The following C15orf40 variants were observed in gnomAD, a reference collection of about 807,000 sequenced individuals.
C15orf40 encodes chromosome 15 open reading frame 40.
In C15orf40, 9 loss-of-function variants were observed where a neutral mutation model predicts 13.9. The ratio of observed to expected loss-of-function variants is 0.65; its 90% CI spans 0.39 to 1.13. The LOEUF is 1.13. C15orf40 is among the 50% of genes most tolerant of loss of function. The pLI is 0.01. For missense variants in C15orf40, 225 were observed against 188.5 expected, an observed-to-expected ratio of 1.19 and a Z score of -1.13; for synonymous variants, 95 against 69.2, an observed-to-expected ratio of 1.37 and a Z score of -1.85.
rs769043176 is a variant in C15orf40, at chr15:83,005,672, C to T, written c.387G>A (p.Lys129=). The part of the protein sequence containing the change: ...VLDKGGKSRE[K]VVKLLASTTP... ...TTGTAGAAGCCAAAAGCTTCACCACCTTTTCACGAGATTTACCACCCTGGA... is the reference window on the plus strand; with the variant it reads ...TTGTAGAAGCCAAAAGCTTCACCACTTTTTCACGAGATTTACCACCCTGGA... The change falls in exon 4 of 4, where the codon AAG becomes AAA. Residue 129 remains lysine (K), a synonymous_variant. Transcript: ENST00000304177. The T allele has an allele frequency of 9.3e-6, 15 of 1,612,672 alleles. No individual in the cohort carries two copies. The South Asian group carries it at 1.6e-4, about 18-fold the overall frequency.
Position 83,005,642 on chromosome 15 carries a change from T to A in C15orf40, c.417A>T (p.Pro139=), listed in dbSNP as rs1288821720. The part of the protein sequence containing the change: ...KVVKLLASTT[P]EEILEKLKKE... ...TTTTTAATTTCTCCAAGATCTCTTC[T>A]GGAGTTGTAGAAGCCAAAAGCTTCA... Residue 139 remains proline (P), a synonymous_variant, in exon 4 of 4, where the codon CCA becomes CCT. Coordinates refer to ENST00000304177, the MANE Select transcript of C15orf40 (RefSeq NM_144597.3). 2 of 1,612,746 alleles carry A rather than the reference T, an allele frequency of 1.2e-6. No individual in the cohort carries two copies. The highest frequency in any genetic ancestry group is 1.7e-6 in the Non-Finnish European group (2 of 1,179,458).
At chr15:83,010,634 T>A (rs1053851869) in intron 1 of C15orf40, 2 of 341,222 alleles carry the variant, frequency 5.9e-6, no homozygotes, top group Non-Finnish European at 1.1e-5. Flanking sequence ...TGCTCCTCCC[T>A]CTGCTTTGTA....
rs914210795 is a variant in C15orf40, at chr15:83,000,976, C to T, written c.*4621G>A. 4 of 332,408 alleles carry T rather than the reference C, an allele frequency of 1.2e-5. No homozygotes were observed. The highest frequency in any genetic ancestry group is 2.2e-5 in the African/African-American group (1 of 44,614). 20.6% of individuals were successfully genotyped at this position (332,408 alleles called of 1,614,324 possible). On this transcript the variant is annotated 3_prime_UTR_variant, in exon 4 of 4. Transcript: ENST00000304177. ...TACAGGCATGCATTGCCATGCCCAGCGAATATTTGTATTTGTAGTAGAAAC... is the reference window on the plus strand; with the variant it reads ...TACAGGCATGCATTGCCATGCCCAGTGAATATTTGTATTTGTAGTAGAAAC...
rs1056336880 is a variant in C15orf40, at chr15:83,005,605, T to C, written c.454A>G (p.Lys152Glu). Residue 152 changes from lysine to glutamate, a missense_variant, in exon 4 of 4, where the codon AAA (lysine) becomes GAA (glutamate). By Grantham distance (56) the Lys-to-Glu change is moderately conservative (BLOSUM62 1). Transcript: ENST00000304177. ...GGCCTCATTTCTTGCTTTTATGTTT[T>C]TTTGGCTTCCTTTTTTAATTTCTCC... ...ILEKLKKEAK[K>E]T is the part of the protein sequence containing the mutation. 6.2e-7 allele frequency: 1 copy of C among 1,610,542 alleles called. No individual in the cohort carries two copies. The highest frequency in any genetic ancestry group is 8.5e-7 in the Non-Finnish European group (1 of 1,178,514).
chr15:83,005,152 A>G lies in C15orf40; in HGVS notation c.*445T>C. 9.5e-7 allele frequency: 1 copy of G among 1,057,026 alleles called. No individual in the cohort carries two copies. The highest frequency in any genetic ancestry group is 1.2e-6 in the Non-Finnish European group (1 of 868,032). 65.5% of individuals were successfully genotyped at this position (1,057,026 alleles called of 1,614,324 possible). On this transcript the variant is annotated 3_prime_UTR_variant, in exon 4 of 4. Coordinates refer to ENST00000304177, the MANE Select transcript of C15orf40 (RefSeq NM_144597.3). ...AATGTATAGCACTTTTTAAATTTCT[A>G]CTTTTTGGAGTCTTATTCGAATATA...
chr15:83,006,434 T>C, intron 3 of C15orf40: 1 of 985,396 alleles, frequency 1.0e-6, no homozygotes, highest in African/African-American at 1.7e-5. Context: ...CATATCCAAG[T>C]GCCACGATTT....
intron 2 of C15orf40, among the ~76,000 whole-genome samples, chr15:83,009,470 G>A (rs768066961): frequency 3.3e-5 from 5 of 152,206 alleles, no homozygotes; most frequent in Admixed American, 1.3e-4. Flanking sequence ...GGTCTAGCAC[G>A]TCAATGTTGT....
At chr15:82,989,957 C>T, downstream of C15orf40, 1 of 1,610,510 alleles carries the variant, frequency 6.2e-7, no homozygotes, top group Non-Finnish European at 8.5e-7. Context: ...CAATCAGTGG[C>T]ATGGACGATC....
In C15orf40 at chr15:83,010,365, T is replaced by C. The variant is rs1267320389; in HGVS notation, c.112-2A>G. 1.9e-6 allele frequency: 3 copies of C among 1,613,964 alleles called. No homozygotes were observed. The highest frequency in any genetic ancestry group is 2.5e-6 in the Non-Finnish European group (3 of 1,179,974). On this transcript the variant is annotated splice_acceptor_variant, in intron 1 of 3. Transcript: ENST00000304177. LOFTEE classifies it high-confidence loss of function. The stretch of plus-strand genomic sequence containing the variant: ...TGGTTCCTTGCTCTGGCTTTTACCC[T>C]AAAATGACAACCACACAACTTTACA...
In C15orf40 at chr15:83,001,551, T is replaced by C. The variant is rs895166689; in HGVS notation, c.*4046A>G. On this transcript the variant is annotated 3_prime_UTR_variant, in exon 4 of 4. Transcript: ENST00000304177. Reference sequence around the variant, plus strand: ...TATAGACTGCCTAGCCAGTACTCACTTGAAATTAATGGGAGTGAGCAAAGC... The same window carrying C: ...TATAGACTGCCTAGCCAGTACTCACCTGAAATTAATGGGAGTGAGCAAAGC... The C allele has an allele frequency of 1.3e-5, 2 of 152,746 alleles. No homozygotes were observed. Among genetic ancestry groups the C allele is most frequent in the East Asian group, 1.9e-4 (1 of 5,204 alleles). The allele number at this position is 152,746 out of a possible 1,614,324, so 9.5% of individuals were successfully genotyped here.
chr15:83,010,402 A>T (rs2151293536), intron 1 of C15orf40, 39 bp from the exon 2 acceptor site: 1 of 1,610,678 alleles, frequency 6.2e-7, no homozygotes, highest in East Asian at 2.2e-5. Flanking sequence ...GTTACAAAAT[A>T]TTTTCCCACA....
At chr15:83,008,374 C>T (rs1202925053) in intron 3 of C15orf40, 174 bp downstream of exon 3, 1 of 570,686 alleles carries the variant, frequency 1.8e-6, no homozygotes, top group South Asian at 1.9e-5. Flanking sequence ...CAAAAATTAG[C>T]CAGGCATGGT....
Position 83,010,307 on chromosome 15 carries a change from T to A in C15orf40, c.168A>T (p.Ala56=). Residue 56 remains alanine (A), a synonymous_variant, in exon 2 of 4, where the codon GCA becomes GCT. Transcript: ENST00000304177. ...ERPLPPLGPV[A]VDPKGCVTIA... ...TGGTGACGCATCCTTTAGGATCAACTGCCACAGGACCTAAGGGAGGAAGTG... is the reference window on the plus strand; with the variant it reads ...TGGTGACGCATCCTTTAGGATCAACAGCCACAGGACCTAAGGGAGGAAGTG... 6.2e-7 allele frequency: 1 copy of A among 1,614,246 alleles called. No homozygotes were observed. The highest frequency in any genetic ancestry group is 8.5e-7 in the Non-Finnish European group (1 of 1,180,026).
intron 1 of C15orf40, 131 bp downstream of exon 1, chr15:83,011,366 T>A (rs1354097062): frequency 3.7e-6 from 4 of 1,085,032 alleles, no homozygotes; most frequent in Non-Finnish European, 5.0e-6. Flanking sequence ...GCGGCTGTCC[T>A]GAGCCCCGGA....
chr15:83,011,404 G>A, intron 1 of C15orf40, 93 bp downstream of exon 1: 1 of 1,355,716 alleles, frequency 7.4e-7, no homozygotes. Context: ...CGCTGGCAGT[G>A]CCTCCACTCA....
downstream of C15orf40, chr15:82,990,379 A>T (rs1287338232): frequency 4.0e-5 from 13 of 324,476 alleles, no homozygotes; most frequent in Non-Finnish European, 6.6e-5. Flanking sequence ...TAAAAATTTT[A>T]AAATAGAAAA....
rs144094866 is a variant in C15orf40, at chr15:82,995,264, G to GC, written c.*10332dup. 0.034 allele frequency: 5,239 copies of GC among 152,336 alleles called. 270 individuals are homozygous for GC. The highest frequency in any genetic ancestry group is 0.12 in the African/African-American group (4,798 of 41,518). The allele number at this position is 152,336 out of a possible 1,614,324, so 9.4% of individuals were successfully genotyped here. A position where few individuals can be genotyped will look rare whatever the true frequency, so the allele number is the denominator to read the frequency against. ...GGCTGCATGGGTCCCAATCAGTGGGGCTGCACTCCATCATGGTGTGCCCAG... is the reference window on the plus strand; with the variant it reads ...GGCTGCATGGGTCCCAATCAGTGGGGCCTGCACTCCATCATGGTGTGCCCAG... On this transcript the variant is annotated 3_prime_UTR_variant, in exon 4 of 4. Transcript: ENST00000304177.
downstream of C15orf40, chr15:82,994,755 G>T (rs1034954397): frequency 1.3e-5 from 2 of 152,110 alleles, no homozygotes; most frequent in Admixed American, 6.5e-5. Flanking sequence ...ATATATAAAT[G>T]AGGATTTTGA....
intron 3 of C15orf40, chr15:83,006,255 G>C (rs1465070040): frequency 1.9e-6 from 1 of 514,398 alleles, no homozygotes; most frequent in African/African-American, 2.1e-5. Flanking sequence ...TCTAAAAAAT[G>C]ATATTCTAGT....
Sources: allele counts gnomAD v4.1 joint callset (sites outside exome capture counted in the v4.1 genomes callset), GRCh38; gene constraint gnomAD v4.1.1; transcripts MANE v1.5; gene names NCBI Gene and HGNC (gene_info 2026-07-23, HGNC 2026-07-21).